The following ABCB1 variants were observed in gnomAD, a reference collection of about 807,000 sequenced individuals.
The protein encoded by ABCB1 is ATP-dependent translocase ABCB1.
Under a neutral mutation model 142.0 loss-of-function variants are expected in ABCB1, and 69 were observed. The ratio of observed to expected loss-of-function variants is 0.49; its 90% CI spans 0.40 to 0.59. The LOEUF is 0.59. Among genes scored for constraint, ABCB1 ranks in the 20% least tolerant of loss-of-function variants. ABCB1 has a pLI of 0.00. For synonymous variants in ABCB1, 532 were observed against 539.2 expected (o/e 0.99, Z 0.18); for missense variants, 1,326 against 1,554.7 (o/e 0.85, Z 2.47).
At chr7:87,587,832 A>ACGTG (rs1563065097) in intron 3 of ABCB1, among the ~76,000 whole-genome samples, 1 of 145,430 alleles carries the variant, frequency 6.9e-6, no homozygotes, top group African/African-American at 2.6e-5. Flanking sequence ...CCGAGATCGC[A>ACGTG]CCACTGCACT....
chr7:87,627,849 A>C (rs1206156560), intron 1 of ABCB1: 1 of 152,034 alleles, frequency 6.6e-6, no homozygotes, highest in Non-Finnish European at 1.5e-5. Context: ...GCTGCGCTGG[A>C]GGCTGAGGTG....
chr7:87,553,428 C>T (rs1053244236), intron 9 of ABCB1, among the ~76,000 whole-genome samples: 4 of 148,172 alleles, frequency 2.7e-5, no homozygotes, highest in African/African-American at 1.0e-4. Flanking sequence ...TAACGCCATT[C>T]TCTTGCCTCA....
chr7:87,673,681 C>T (rs1476173548), intron 1 of ABCB1, among the ~76,000 whole-genome samples: 1 of 152,174 alleles, frequency 6.6e-6, no homozygotes, highest in Non-Finnish European at 1.5e-5. Flanking sequence ...GATCTTCATT[C>T]GTATCCATGT....
chr7:87,543,389 A>T (rs1302841917), intron 17 of ABCB1, among the ~76,000 whole-genome samples: 1 of 152,170 alleles, frequency 6.6e-6, no homozygotes, highest in Non-Finnish European at 1.5e-5. Flanking sequence ...AAATAAGCTA[A>T]CCAGGCATGA....
chr7:87,621,974 A>G (rs940769122), intron 1 of ABCB1, among the ~76,000 whole-genome samples: 5 of 152,156 alleles, frequency 3.3e-5, no homozygotes, highest in Non-Finnish European at 5.9e-5. Context: ...CAATGAAGTT[A>G]TATTCTAATT....
At chr7:87,548,114 TGGGAGGGGAGGGAAG>T (rs1563046294) in intron 14 of ABCB1, among the ~76,000 whole-genome samples, 1 of 38,896 alleles carries the variant, frequency 2.6e-5, no homozygotes, top group Non-Finnish European at 5.2e-5. Context: ...GGGGAGGGGA[TGGGAGGGGAGGGAAG>T]GGGAGGGAAG....
At chr7:87,614,816 T>C (rs1377838210) in intron 1 of ABCB1, among the ~76,000 whole-genome samples, 1 of 152,058 alleles carries the variant, frequency 6.6e-6, no homozygotes, top group African/African-American at 2.4e-5. Context: ...TTTGTTTGTT[T>C]GTTTGTTTTT....
chr7:87,611,299 C>T (rs1180586066), intron 1 of ABCB1, among the ~76,000 whole-genome samples: 1 of 152,110 alleles, frequency 6.6e-6, no homozygotes, highest in Non-Finnish European at 1.5e-5. Flanking sequence ...TTGCATAATG[C>T]TGAGGTTTGG....
chr7:87,552,885 C>T (rs1817141045), intron 9 of ABCB1, among the ~76,000 whole-genome samples: 1 of 151,910 alleles, frequency 6.6e-6, no homozygotes, highest in Non-Finnish European at 1.5e-5. Context: ...TTTATTAGAT[C>T]CAGATATGAA....
chr7:87,707,828 T>C (rs1829744936), intron 1 of ABCB1, among the ~76,000 whole-genome samples: 2 of 152,184 alleles, frequency 1.3e-5, no homozygotes, highest in African/African-American at 4.8e-5. Flanking sequence ...GTGTAAAGTA[T>C]GTTCTCTAAC....
chr7:87,628,763 A>G (rs944743161), intron 1 of ABCB1: 1 of 1,051,820 alleles, frequency 9.5e-7, no homozygotes, highest in Non-Finnish European at 1.2e-6. Flanking sequence ...AACCCCCTTA[A>G]GCAGGTGTGG....
At chr7:87,663,921 C>G (rs1824963988) in intron 1 of ABCB1, among the ~76,000 whole-genome samples, 1 of 152,098 alleles carries the variant, frequency 6.6e-6, no homozygotes, top group South Asian at 2.1e-4. Context: ...TTTGTATGAT[C>G]CTACTGGATG....
intron 5 of ABCB1, among the ~76,000 whole-genome samples, chr7:87,568,318 G>A (rs1324910034): frequency 6.7e-6 from 1 of 149,072 alleles, no homozygotes; most frequent in African/African-American, 2.5e-5. Context: ...CTACTCAGGA[G>A]GCTGAGGCAG....
At chr7:87,708,325 C>T (rs547702475) in intron 1 of ABCB1, among the ~76,000 whole-genome samples, 1 of 152,052 alleles carries the variant, frequency 6.6e-6, no homozygotes, top group South Asian at 2.1e-4. Flanking sequence ...GTATATCTCA[C>T]AGACATTAAA....
At chr7:87,638,345 T>TTGTG (rs71524692) in intron 1 of ABCB1, among the ~76,000 whole-genome samples, 16,991 of 144,692 alleles carry the variant, frequency 0.12, 990 homozygotes, top group Non-Finnish European at 0.14. Context: ...AAGTATGTGT[T>TTGTG]TGTGTGTGTG....
intron 1 of ABCB1, among the ~76,000 whole-genome samples, chr7:87,683,694 C>G (rs1338716341): frequency 1.3e-5 from 2 of 152,056 alleles, no homozygotes; most frequent in Admixed American, 1.3e-4. Flanking sequence ...TCACAGTTCA[C>G]CATAACAGAT....
At chr7:87,632,604 T>G (rs1821335300) in intron 1 of ABCB1, among the ~76,000 whole-genome samples, 1 of 152,192 alleles carries the variant, frequency 6.6e-6, no homozygotes, top group Non-Finnish European at 1.5e-5. Flanking sequence ...TCCCTGTATA[T>G]TCTCTATCGT....
upstream of ABCB1, among the ~76,000 whole-genome samples, chr7:87,602,204 AGGATG>A (rs550239214): frequency 2.9e-4 from 44 of 151,164 alleles, 1 homozygote; most frequent in East Asian, 8.3e-3. Context: ...TGTGTTAGCC[AGGATG>A]GTCTTGATCT....
At chr7:87,595,878 T>C in intron 2 of ABCB1, 64 bp from the exon 3 acceptor site, 1 of 1,276,520 alleles carries the variant, frequency 7.8e-7, no homozygotes, top group Non-Finnish European at 1.1e-6. Flanking sequence ...ATTACCCAAA[T>C]TAACATAGAA....
Sources: gnomAD v4.1 joint callset for allele counts (sites outside exome capture counted in the v4.1 genomes callset) on GRCh38, gnomAD v4.1.1 for gene constraint, MANE v1.5 for transcripts, NCBI Gene and HGNC (gene_info 2026-07-23, HGNC 2026-07-21) for gene names.